SNX13: variants seen among roughly 807,000 people sequenced by gnomAD.
SNX13 encodes the protein sorting nexin 13, also known as sorting nexin-13.
In SNX13, 45 loss-of-function variants were observed where a neutral mutation model predicts 133.6. The ratio of observed to expected loss-of-function variants is 0.34; its 90% confidence interval spans 0.27 to 0.43. The LOEUF is 0.43. Ranked by LOEUF, SNX13 falls within the 20% of genes least tolerant of loss-of-function variation. SNX13 has a pLI of 1.00. For missense variants in SNX13, 1,032 were observed against 1,145.1 expected (o/e 0.90, Z 1.43); for synonymous variants, 414 against 373.9 (o/e 1.11, Z -1.24).
At chr7:17,933,787 C>G (rs1030566427) in intron 1 of SNX13, among the ~76,000 whole-genome samples, 1 of 118,402 alleles carries the variant, frequency 8.4e-6, no homozygotes, top group African/African-American at 2.8e-5. Flanking sequence ...TTCATTAGTA[C>G]AAGGAATATA....
intron 1 of SNX13, among the ~76,000 whole-genome samples, chr7:17,927,049 A>G (rs1182369970): frequency 6.6e-6 from 1 of 152,152 alleles, no homozygotes; most frequent in Non-Finnish European, 1.5e-5. Context: ...TTTTTCACCT[A>G]TGTAATAAGC....
At position 17,826,067 on chromosome 7, in the gene SNX13, A is replaced by G; in HGVS notation, c.1660T>C (p.Ser554Pro). Residue 554 changes from serine (S) to proline (P), a missense_variant, in exon 17 of 26, where the codon TCT (serine) becomes CCT (proline). Coordinates refer to ENST00000428135, the MANE Select transcript of SNX13 (RefSeq NM_015132.5). ...NLSLDDLSNV[S>P]SDDSVQLHAY... ...TGAAGTTGTACTGAGTCATCAGAAGAAACATTTGAAAGGTCATCTAAAGAC... is the reference window on the plus strand; with the variant it reads ...TGAAGTTGTACTGAGTCATCAGAAGGAACATTTGAAAGGTCATCTAAAGAC... The G allele has an allele frequency of 6.4e-7, 1 of 1,560,522 alleles. No individual in the cohort carries two copies. Among genetic ancestry groups the G allele is most frequent in the Non-Finnish European group, 8.7e-7 (1 of 1,151,356 alleles).
Position 17,825,946 on chromosome 7 carries a change from A to C in SNX13, c.1705+76T>G, listed in dbSNP as rs904817898. On this transcript the variant is annotated intron_variant, in intron 17 of 25. Transcript: ENST00000428135. ...GAGAACAAAAAAATGGTTAGTAAAAATTAAGTGTGGAAAATTATTTAGGGA... is the reference window on the plus strand; with the variant it reads ...GAGAACAAAAAAATGGTTAGTAAAACTTAAGTGTGGAAAATTATTTAGGGA... 1.1e-5 allele frequency: 12 copies of C among 1,103,138 alleles called. No individual in the cohort carries two copies. The Admixed American group carries it at 1.4e-4, about 13-fold the overall frequency. The allele number at this position is 1,103,138 out of a possible 1,614,324, so 68.3% of individuals were successfully genotyped here.
chr7:17,938,979 AT>A lies in SNX13; in HGVS notation c.12+1304del, dbSNP rs1802439735. Among the ~76,000 whole-genome samples the A allele has an allele frequency of 2.0e-5, 3 of 152,370 alleles. No individual in the cohort carries two copies. The South Asian group carries it at 6.2e-4, about 32-fold the overall frequency. ...TCTCAATTAACTCCAAGAATGAAAA[AT>A]CTGTAGAATTTAGAAATATAAAATG... On this transcript the variant is annotated intron_variant, in intron 1 of 25. Coordinates refer to ENST00000428135, the MANE Select transcript of SNX13 (RefSeq NM_015132.5).
intron 5 of SNX13, among the ~76,000 whole-genome samples, chr7:17,886,106 T>C (rs1323530991): frequency 6.6e-6 from 1 of 152,146 alleles, no homozygotes. Flanking sequence ...ATTATTTCTA[T>C]GGCAAAAGGT....
chr7:17,816,059 A>G (rs1205577729), intron 19 of SNX13, 123 bp downstream of exon 19: 3 of 1,035,058 alleles, frequency 2.9e-6, no homozygotes, highest in Admixed American at 3.2e-5. Flanking sequence ...ATGCTGCACA[A>G]AAGTGGTTGC....
At chr7:17,866,561 A>C (rs1793420927) in intron 9 of SNX13, among the ~76,000 whole-genome samples, 1 of 152,234 alleles carries the variant, frequency 6.6e-6, no homozygotes, top group Admixed American at 6.5e-5. Context: ...TTATTCAGCC[A>C]TTAAAAAAAG....
intron 1 of SNX13, among the ~76,000 whole-genome samples, chr7:17,938,787 T>C (rs1802412599): frequency 1.3e-5 from 2 of 152,204 alleles, no homozygotes; most frequent in African/African-American, 2.4e-5. Context: ...GAAAAGATCA[T>C]ATCATATAAT....
intron 5 of SNX13, chr7:17,888,879 A>C: frequency 2.9e-6 from 1 of 342,974 alleles, no homozygotes; most frequent in Non-Finnish European, 5.8e-6. Flanking sequence ...ACTTGCTCAC[A>C]GTCCCATAGC....
chr7:17,814,544 C>T (rs1373836784), intron 20 of SNX13, among the ~76,000 whole-genome samples: 1 of 151,810 alleles, frequency 6.6e-6, no homozygotes, highest in African/African-American at 2.4e-5. Flanking sequence ...GAAACATTTC[C>T]CTCTAAAGAT....
intron 12 of SNX13, among the ~76,000 whole-genome samples, chr7:17,840,344 ACT>A (rs1363337817): frequency 6.6e-6 from 1 of 152,042 alleles, no homozygotes; most frequent in Non-Finnish European, 1.5e-5. Context: ...TTTAAAAATG[ACT>A]CTTCAAACCA....
intron 13 of SNX13, among the ~76,000 whole-genome samples, chr7:17,839,048 T>A (rs964147273): frequency 3.3e-5 from 5 of 149,762 alleles, no homozygotes; most frequent in African/African-American, 1.2e-4. Flanking sequence ...TACAATATTA[T>A]TAGATTACAT....
intron 5 of SNX13, among the ~76,000 whole-genome samples, chr7:17,883,618 T>C (rs1437147148): frequency 6.6e-6 from 1 of 152,186 alleles, no homozygotes; most frequent in African/African-American, 2.4e-5. Context: ...ATGTGCACGT[T>C]TGTTACACAG....
At chr7:17,939,419 G>A (rs1285250159) in intron 1 of SNX13, among the ~76,000 whole-genome samples, 1 of 152,206 alleles carries the variant, frequency 6.6e-6, no homozygotes, top group Non-Finnish European at 1.5e-5. Flanking sequence ...TACACCTGCA[G>A]ATACTACAAC....
At chr7:17,843,404 C>A (rs951751424) in intron 12 of SNX13, among the ~76,000 whole-genome samples, 2 of 151,900 alleles carry the variant, frequency 1.3e-5, no homozygotes, top group African/African-American at 4.8e-5. Flanking sequence ...CAGTTACATA[C>A]CTATTAACAG....
chr7:17,883,733 C>G (rs1795642050), intron 5 of SNX13, among the ~76,000 whole-genome samples: 2 of 151,932 alleles, frequency 1.3e-5, no homozygotes, highest in Non-Finnish European at 2.9e-5. Context: ...CCCAAGAGGC[C>G]CCGGTGTGTG....
chr7:17,882,782 AC>A (rs1795515623), intron 5 of SNX13: 1 of 1,205,940 alleles, frequency 8.3e-7, no homozygotes. Context: ...TCAAATCACT[AC>A]CACAATTCCC....
intron 20 of SNX13, 90 bp downstream of exon 20, chr7:17,814,744 C>G: frequency 9.0e-7 from 1 of 1,105,136 alleles, no homozygotes; most frequent in Non-Finnish European, 1.2e-6. Context: ...TTAAAACACA[C>G]GTACAAATCT....
chr7:17,911,091 T>C (rs1798932184), intron 1 of SNX13, among the ~76,000 whole-genome samples: 1 of 152,136 alleles, frequency 6.6e-6, no homozygotes, highest in Non-Finnish European at 1.5e-5. Context: ...AAAACAAAAC[T>C]GGGCCTGTTG....
Sources: gnomAD v4.1 joint callset for allele counts (sites outside exome capture counted in the v4.1 genomes callset) on GRCh38, gnomAD v4.1.1 for gene constraint, MANE v1.5 for transcripts, NCBI Gene and HGNC (gene_info 2026-07-23, HGNC 2026-07-21) for gene names.